Variants in RAB37 observed in about 807,000 individuals in gnomAD.
The protein encoded by RAB37 is RAB37, member RAS oncogene family, also known as ras-related protein Rab-37.
A neutral mutation model predicts 33.1 loss-of-function variants in RAB37; 29 were observed. The observed-to-expected ratio is 0.88, with a 90% CI of 0.65 to 1.20. RAB37 has a LOEUF of 1.20. RAB37 is among the 50% of genes most tolerant of loss of function. The pLI, the probability that RAB37 is intolerant of heterozygous loss-of-function variation, is 0.00. For missense variants in RAB37, 299 were observed against 301.1 expected (o/e 0.99, Z 0.05); for synonymous variants, 128 against 119.5 (o/e 1.07, Z -0.47).
At chr17:74,716,886 C>A (rs181532859) in intron 1 of RAB37, among the ~76,000 whole-genome samples, 72 of 152,346 alleles carry the variant, frequency 4.7e-4, no homozygotes, top group African/African-American at 1.7e-3. Flanking sequence ...GTAATCCCAG[C>A]CCTTTGGGAG....
At chr17:74,689,464 G>A (rs1301056911) in intron 1 of RAB37, among the ~76,000 whole-genome samples, 1 of 151,866 alleles carries the variant, frequency 6.6e-6, no homozygotes, top group Non-Finnish European at 1.5e-5. Context: ...AAAAAAGAAA[G>A]AAAGAAAAGA....
chr17:74,744,628 G>A lies in RAB37; in HGVS notation c.433-245G>A. ...TTAGAGCAGAGTGAACAGGGTCCCAGGTCAGGGGCTAAGAGTGCAAAGGGT... is the reference window on the plus strand; with the variant it reads ...TTAGAGCAGAGTGAACAGGGTCCCAAGTCAGGGGCTAAGAGTGCAAAGGGT... On this transcript the variant is annotated intron_variant, in intron 6 of 8. Transcript: ENST00000392613. The surrounding 1 kb of genome is among the most constrained non-coding windows in gnomAD (Gnocchi z 4.2). The A allele has an allele frequency of 1.6e-6, 1 of 623,552 alleles. No individual in the cohort carries two copies. Among genetic ancestry groups the A allele is most frequent in the African/African-American group, 1.8e-5 (1 of 54,470 alleles). 38.6% of individuals were successfully genotyped at this position (623,552 alleles called of 1,614,324 possible).
At chr17:74,703,864 G>A (rs2033279307) in intron 1 of RAB37, among the ~76,000 whole-genome samples, 1 of 152,198 alleles carries the variant, frequency 6.6e-6, no homozygotes, top group Admixed American at 6.5e-5. Context: ...AACGCTCCCA[G>A]GAGTGTCTGC....
chr17:74,738,207 C>A lies in RAB37; in HGVS notation c.93+842C>A, dbSNP rs1457280428. On this transcript the variant is annotated intron_variant, in intron 1 of 8. Transcript: ENST00000392613. This position sits in a 1 kb window ranked among gnomAD's most constrained non-coding sequence, Gnocchi z 5.0. ...GGGTTGGGGATGGAGTGAGGGCTGT[C>A]CTGGATTCCGCTGCATGGCCTTGAA... Among the ~76,000 whole-genome samples, 1 of 152,144 alleles carries A rather than the reference C, an allele frequency of 6.6e-6. No individual in the cohort carries two copies. The highest frequency in any genetic ancestry group is 2.4e-5 in the African/African-American group (1 of 41,418).
intron 1 of RAB37, among the ~76,000 whole-genome samples, chr17:74,681,193 G>A (rs967207821): frequency 6.6e-6 from 1 of 152,236 alleles, no homozygotes; most frequent in Non-Finnish European, 1.5e-5. Context: ...GAAGGTCAAA[G>A]ACCTCTAGTC....
chr17:74,693,445 G>A (rs548491478), intron 1 of RAB37, among the ~76,000 whole-genome samples: 34 of 152,286 alleles, frequency 2.2e-4, no homozygotes, highest in Admixed American at 8.5e-4. Flanking sequence ...TCAGGTCTGT[G>A]CTTGGAAAAG....
At chr17:74,721,411 C>T (rs1023859318) in intron 1 of RAB37, among the ~76,000 whole-genome samples, 3 of 151,180 alleles carry the variant, frequency 2.0e-5, no homozygotes, top group Non-Finnish European at 2.9e-5. Context: ...AATGAGCATC[C>T]TTATACACAT....
chr17:74,736,594 T>C (rs879178357), upstream of RAB37: 1 of 1,528,304 alleles, frequency 6.5e-7, no homozygotes, highest in South Asian at 1.2e-5. Context: ...GCAGCCCTCT[T>C]GCGAAAGCTC....
chr17:74,671,445 C>A lies in RAB37; in HGVS notation c.-142C>A. The A allele has an allele frequency of 1.4e-6, 1 of 710,802 alleles. No homozygotes were observed. The highest frequency in any genetic ancestry group is 3.9e-4 in the Middle Eastern group (1 of 2,570). The allele number at this position is 710,802 out of a possible 1,614,324, so 44.0% of individuals were successfully genotyped here. On this transcript the variant is annotated 5_prime_UTR_variant, in exon 1 of 8. Transcript: ENST00000340415. This position sits in a 1 kb window ranked among gnomAD's most constrained non-coding sequence, Gnocchi z 5.0. The stretch of plus-strand genomic sequence containing the variant: ...ACCGCGCCGCGGCCGCTGCGGGGAA[C>A]TGTCCAGTGCTGAAAACGGATGCGG...
Position 74,682,624 on chromosome 17 carries a change from G to T in RAB37, c.72+10966G>T, listed in dbSNP as rs79355320. On this transcript the variant is annotated intron_variant, in intron 1 of 7. Transcript: ENST00000340415. Reference sequence around the variant, plus strand: ...GTAGATCAAGAGTGGAAGAAAATGGGCCGGGCGTGGTGGATCATGCTTGTA... The same window carrying T: ...GTAGATCAAGAGTGGAAGAAAATGGTCCGGGCGTGGTGGATCATGCTTGTA... Among the ~76,000 whole-genome samples the T allele has an allele frequency of 9.2e-5, 14 of 152,356 alleles. No homozygotes were observed. In the East Asian group the frequency reaches 2.1e-3, roughly 23 times the overall value.
rs1347003953 is a variant in RAB37 at position 74,743,192 on chromosome 17, C to T, written c.310C>T (p.Gln104Ter). 6.2e-7 allele frequency: 1 copy of T among 1,613,810 alleles called. No individual in the cohort carries two copies. Among genetic ancestry groups the T allele is most frequent in the East Asian group, 2.2e-5 (1 of 44,860 alleles). Residue 104 changes from glutamine to a stop codon, truncating the protein, a stop_gained, in exon 4 of 9, where the codon CAG becomes TAG. Coordinates refer to ENST00000392613, the MANE Select transcript of RAB37 (RefSeq NM_001006638.3). LOFTEE classifies it high-confidence loss of function. ...SVTHAYYRDA[Q>*]ALLLLYDITN... ...CACCCATGCTTATTACAGAGATGCTCAGGGTGAGTCCCTCGCACCCTCCAA... is the reference window on the plus strand; with the variant it reads ...CACCCATGCTTATTACAGAGATGCTTAGGGTGAGTCCCTCGCACCCTCCAA...
intron 1 of RAB37, chr17:74,695,216 A>G (rs776204112): frequency 6.2e-7 from 1 of 1,614,124 alleles, no homozygotes; most frequent in South Asian, 1.1e-5. Flanking sequence ...CCAAGGTCAG[A>G]GATGCATAGG....
intron 2 of RAB37, among the ~76,000 whole-genome samples, chr17:74,741,587 GA>G (rs535783718): frequency 1.5e-4 from 19 of 127,150 alleles, no homozygotes; most frequent in African/African-American, 2.9e-4. Flanking sequence ...CTGCGTCTCA[GA>G]AAAAAAAAAA....
intron 1 of RAB37, among the ~76,000 whole-genome samples, chr17:74,718,553 A>C (rs1233891295): frequency 6.6e-6 from 1 of 152,020 alleles, no homozygotes; most frequent in East Asian, 1.9e-4. Context: ...AGCACCTATT[A>C]ATTGGCTAGA....
intron 1 of RAB37, among the ~76,000 whole-genome samples, chr17:74,710,392 T>A (rs192773169): frequency 6.6e-6 from 1 of 152,358 alleles, no homozygotes; most frequent in Non-Finnish European, 1.5e-5. Context: ...TAATTCATAA[T>A]TGAATTTAAT....
At chr17:74,715,634 G>A (rs2034155853) in intron 1 of RAB37, among the ~76,000 whole-genome samples, 1 of 152,190 alleles carries the variant, frequency 6.6e-6, no homozygotes, top group Non-Finnish European at 1.5e-5. Context: ...CAACAAGGAG[G>A]GAACAGCACT....
At chr17:74,726,830 T>C (rs993176407) in intron 1 of RAB37, among the ~76,000 whole-genome samples, 5 of 152,224 alleles carry the variant, frequency 3.3e-5, no homozygotes, top group African/African-American at 1.2e-4. Context: ...TATGTCTTTA[T>C]GTTTTTACAA....
intron 1 of RAB37, among the ~76,000 whole-genome samples, chr17:74,699,992 A>G (rs1395677149): frequency 6.6e-6 from 1 of 151,820 alleles, no homozygotes; most frequent in Non-Finnish European, 1.5e-5. Flanking sequence ...AAATACAAAA[A>G]TTAGCTGGGT....
At chr17:74,695,329 G>T in intron 1 of RAB37, 1 of 1,539,916 alleles carries the variant, frequency 6.5e-7, no homozygotes, top group Non-Finnish European at 8.9e-7. Flanking sequence ...CTCGGAGGAG[G>T]ATAGTGGGGA....
Sources: allele counts gnomAD v4.1 joint callset (sites outside exome capture counted in the v4.1 genomes callset), GRCh38; gene constraint gnomAD v4.1.1; non-coding constraint Gnocchi (gnomAD v3.1); transcripts MANE v1.5; gene names NCBI Gene and HGNC (gene_info 2026-07-23, HGNC 2026-07-21).